SORCS2: variants seen among roughly 807,000 people sequenced by gnomAD.
SORCS2 encodes sortilin related VPS10 domain containing receptor 2.
Under a neutral mutation model 141.6 loss-of-function variants are expected in SORCS2, and 100 were observed. That is an observed-to-expected ratio of 0.71 (90% CI 0.60 to 0.83). The LOEUF (loss-of-function observed/expected upper bound fraction) is 0.83, where lower values mean the gene tolerates loss of function less well. SORCS2 is among the 40% of genes least tolerant of loss of function. SORCS2 has a pLI of 0.00. For missense variants in SORCS2, 1,646 were observed against 1,560.2 expected, an observed-to-expected ratio of 1.05 and a Z score of -0.93; for synonymous variants, 789 against 676.9, an observed-to-expected ratio of 1.17 and a Z score of -2.57.
At chr4:7,619,083 G>C (rs79735697) in intron 3 of SORCS2, among the ~76,000 whole-genome samples, 1 of 152,150 alleles carries the variant, frequency 6.6e-6, no homozygotes, top group Non-Finnish European at 1.5e-5. Context: ...CCTGTGCTAC[G>C]TGTCTCTGGG....
chr4:7,481,160 C>A (rs567685542), intron 2 of SORCS2, among the ~76,000 whole-genome samples: 2 of 152,260 alleles, frequency 1.3e-5, no homozygotes, highest in Non-Finnish European at 2.9e-5. Context: ...ACCCAGCATG[C>A]ACCTGAGTGG....
At chr4:7,512,506 A>T (rs1324904068) in intron 2 of SORCS2, among the ~76,000 whole-genome samples, 2 of 152,020 alleles carry the variant, frequency 1.3e-5, no homozygotes, top group Non-Finnish European at 2.9e-5. Context: ...ACCAGCAAGG[A>T]ACCCTTAGTG....
At chr4:7,455,992 G>A (rs1408888012) in intron 2 of SORCS2, among the ~76,000 whole-genome samples, 3 of 152,168 alleles carry the variant, frequency 2.0e-5, no homozygotes, top group Admixed American at 6.5e-5. Flanking sequence ...CAGTTCTGGA[G>A]GCTGAAAGCT....
chr4:7,579,184 G>T (rs1577783298), intron 3 of SORCS2, among the ~76,000 whole-genome samples: 2 of 152,278 alleles, frequency 1.3e-5, no homozygotes, highest in East Asian at 3.9e-4. Context: ...TTTCTTCAAT[G>T]AGAAAGTCTC....
chr4:7,415,036 T>C (rs1725569336), intron 2 of SORCS2, among the ~76,000 whole-genome samples: 1 of 152,070 alleles, frequency 6.6e-6, no homozygotes, highest in Non-Finnish European at 1.5e-5. Flanking sequence ...GGCTAGGTGA[T>C]TAAAGAGACA....
chr4:7,613,139 C>T (rs887186717), intron 3 of SORCS2, among the ~76,000 whole-genome samples: 4 of 152,266 alleles, frequency 2.6e-5, no homozygotes, highest in African/African-American at 9.6e-5. Flanking sequence ...GTCAGCCTTC[C>T]AGGCAGAGGG....
intron 1 of SORCS2, among the ~76,000 whole-genome samples, chr4:7,221,572 G>A (rs948660112): frequency 9.2e-5 from 14 of 152,262 alleles, no homozygotes; most frequent in African/African-American, 3.1e-4. Flanking sequence ...GATGTCGGGT[G>A]GAGCAGTGGT....
chr4:7,198,482 T>G (rs1727296677), intron 1 of SORCS2, among the ~76,000 whole-genome samples: 1 of 152,114 alleles, frequency 6.6e-6, no homozygotes, highest in Admixed American at 6.5e-5. Flanking sequence ...CCACATGGTG[T>G]GGGCCTCCCA....
At chr4:7,603,031 C>T (rs897373344) in intron 3 of SORCS2, among the ~76,000 whole-genome samples, 5 of 152,284 alleles carry the variant, frequency 3.3e-5, no homozygotes, top group African/African-American at 7.2e-5. Context: ...TGGTGGTGTG[C>T]GCCTGCAATC....
chr4:7,652,335 G>A (rs767212735), intron 4 of SORCS2, among the ~76,000 whole-genome samples: 1 of 152,188 alleles, frequency 6.6e-6, no homozygotes, highest in Non-Finnish European at 1.5e-5. Context: ...AAAACTCATA[G>A]CTTGATCAAG....
intron 2 of SORCS2, among the ~76,000 whole-genome samples, chr4:7,401,748 C>T (rs1455647955): frequency 6.6e-6 from 1 of 152,130 alleles, no homozygotes; most frequent in East Asian, 1.9e-4. Flanking sequence ...CTACCACTTC[C>T]TGGGTGCATT....
At chr4:7,454,480 G>C (rs1280825843) in intron 2 of SORCS2, among the ~76,000 whole-genome samples, 2 of 123,670 alleles carry the variant, frequency 1.6e-5, no homozygotes, top group South Asian at 3.1e-4. Flanking sequence ...GGGTCAGGCA[G>C]TGTGTTGGGG....
chr4:7,402,204 T>C (rs1724637601), intron 2 of SORCS2, among the ~76,000 whole-genome samples: 1 of 152,156 alleles, frequency 6.6e-6, no homozygotes, highest in South Asian at 2.1e-4. Context: ...ATGTTTGGAA[T>C]TGCTCTCTCT....
intron 3 of SORCS2, among the ~76,000 whole-genome samples, chr4:7,616,280 C>T (rs915428596): frequency 5.3e-5 from 8 of 152,150 alleles, no homozygotes; most frequent in Admixed American, 3.3e-4. Flanking sequence ...AGCCAACCCA[C>T]TCACATATAC....
intron 12 of SORCS2, among the ~76,000 whole-genome samples, chr4:7,697,884 C>T (rs1044759521): frequency 5.9e-5 from 9 of 152,126 alleles, no homozygotes; most frequent in Admixed American, 2.0e-4. Flanking sequence ...ACGCAGGATG[C>T]GGCCACTCCC....
chr4:7,532,571 T>G (rs142116122), intron 3 of SORCS2, among the ~76,000 whole-genome samples: 1 of 152,340 alleles, frequency 6.6e-6, no homozygotes, highest in African/African-American at 2.4e-5. Context: ...GGGATGGTGA[T>G]GATTCCAAGG....
chr4:7,266,904 C>T (rs79873171), intron 1 of SORCS2, among the ~76,000 whole-genome samples: 3,563 of 151,716 alleles, frequency 0.023, 63 homozygotes, highest in Non-Finnish European at 0.036. Flanking sequence ...TGCCTCCCAG[C>T]GTGTTTCCTC....
chr4:7,535,448 C>T (rs1242653155), intron 3 of SORCS2, among the ~76,000 whole-genome samples: 2 of 152,194 alleles, frequency 1.3e-5, no homozygotes, highest in African/African-American at 4.8e-5. Flanking sequence ...TGAGTCTGGC[C>T]CTGTAGCCTA....
intron 8 of SORCS2, among the ~76,000 whole-genome samples, chr4:7,674,431 G>GGC (rs1200986857): frequency 6.6e-6 from 1 of 151,002 alleles, no homozygotes; most frequent in Non-Finnish European, 1.5e-5. Context: ...AAATTAGCTG[G>GGC]GCATAGTGGC....
Sources: gnomAD v4.1 joint callset for allele counts (sites outside exome capture counted in the v4.1 genomes callset) on GRCh38, gnomAD v4.1.1 for gene constraint, MANE v1.5 for transcripts, NCBI Gene and HGNC (gene_info 2026-07-23, HGNC 2026-07-21) for gene names.